Variants in DISC1 observed in about 807,000 individuals in gnomAD.
DISC1 encodes DISC1 scaffold protein, also known as disrupted in schizophrenia 1 protein.
In DISC1, 57 loss-of-function variants were observed where a neutral mutation model predicts 84.5. That is an observed-to-expected ratio of 0.67 (90% CI 0.55 to 0.84). The LOEUF (loss-of-function observed/expected upper bound fraction) is 0.84, where lower values mean the gene tolerates loss of function less well. DISC1 is among the 40% of genes least tolerant of loss of function. DISC1 has a pLI of 0.00. For synonymous variants in DISC1, 411 were observed against 415.2 expected, an observed-to-expected ratio of 0.99 and a Z score of 0.12; for missense variants, 1,000 against 1,057.8, an observed-to-expected ratio of 0.95 and a Z score of 0.76.
chr1:231,724,818 A>G (rs2070393649), intron 3 of DISC1, among the ~76,000 whole-genome samples: 1 of 152,118 alleles, frequency 6.6e-6, no homozygotes. Context: ...TGTCACTGTC[A>G]TTTGGTTAGG....
intron 9 of DISC1, among the ~76,000 whole-genome samples, chr1:231,863,117 C>T (rs12757857): frequency 0.5 from 75,583 of 151,170 alleles, 19,584 homozygotes; most frequent in Admixed American, 0.6. Context: ...AGTTTCAGCA[C>T]GTGCATAGTT....
intron 9 of DISC1, among the ~76,000 whole-genome samples, chr1:231,915,584 C>T (rs1454318600): frequency 6.6e-6 from 1 of 152,148 alleles, no homozygotes; most frequent in East Asian, 1.9e-4. Context: ...TGAGACCAGC[C>T]TGGCCAACAT....
At chr1:231,900,187 G>A (rs142802222) in intron 9 of DISC1, among the ~76,000 whole-genome samples, 910 of 152,154 alleles carry the variant, frequency 6.0e-3, no homozygotes, top group Middle Eastern at 0.017. Context: ...TCCTTGCCCC[G>A]CAACAGGAGA....
chr1:231,911,406 A>C (rs2089191851), intron 9 of DISC1, among the ~76,000 whole-genome samples: 1 of 152,148 alleles, frequency 6.6e-6, no homozygotes, highest in Admixed American at 6.5e-5. Context: ...GCTTGTCTAT[A>C]AAGAATTTTA....
In DISC1 at chr1:232,016,576, G is replaced by A. The variant is rs143708001; in HGVS notation, c.2307+7527G>A. Among the ~76,000 whole-genome samples, 190 of 152,310 alleles carry A rather than the reference G, an allele frequency of 1.2e-3. 1 individual carries two copies. The highest frequency in any genetic ancestry group is 4.5e-3 in the African/African-American group (186 of 41,576). On this transcript the variant is annotated intron_variant, in intron 11 of 12. Coordinates refer to ENST00000439617, the MANE Select transcript of DISC1 (RefSeq NM_018662.3). ...GCAGTTCACATCCTCTTGCATGATC[G>A]TGTAATATAAACTGTAGCTTTTCAA...
At position 231,693,949 on chromosome 1, in the gene DISC1, T is replaced by A. The variant is rs1283248433; in HGVS notation, c.191T>A (p.Leu64Gln). 2 of 1,614,170 alleles carry A rather than the reference T, an allele frequency of 1.2e-6. No individual in the cohort carries two copies. The highest frequency in any genetic ancestry group is 3.3e-5 in the Admixed American group (2 of 60,028). The change falls in exon 2 of 13, where the codon CTG becomes CAG. Residue 64 changes from leucine to glutamine, a missense_variant. This residue lies in a region of DISC1 where 292 missense variants were observed against 280.2 expected (regional missense o/e 1.04). Coordinates refer to ENST00000439617, the MANE Select transcript of DISC1 (RefSeq NM_018662.3). ...IGFLSPAVGT[L>Q]FRFPGGVSGE... ...TTCCTTTCCCCAGCAGTGGGCACACTGTTCCGGTTCCCAGGAGGGGTGTCT... is the reference window on the plus strand; with the variant it reads ...TTCCTTTCCCCAGCAGTGGGCACACAGTTCCGGTTCCCAGGAGGGGTGTCT...
rs771839898 is a variant in DISC1 at position 231,958,883 on chromosome 1, G to C, written c.2037G>C (p.Leu679=). 4.3e-6 allele frequency: 7 copies of C among 1,613,080 alleles called. No individual in the cohort carries two copies. Among genetic ancestry groups the C allele is most frequent in the Non-Finnish European group, 5.1e-6 (6 of 1,179,636 alleles). ...ACATGGAAACACTTAAGAATAAACT[G>C]TGCAGGTAAGGATAATAATTTCTGT... ...MKYMETLKNK[L]CSCKCPLLGK... The change falls in exon 10 of 13, where the codon CTG becomes CTC. Residue 679 remains leucine, a synonymous_variant. Coordinates refer to ENST00000439617, the MANE Select transcript of DISC1 (RefSeq NM_018662.3).
intron 6 of DISC1, among the ~76,000 whole-genome samples, chr1:231,786,717 A>T (rs750991874): frequency 5.3e-5 from 8 of 152,174 alleles, no homozygotes; most frequent in Non-Finnish European, 7.4e-5. Context: ...CACCTGTCCC[A>T]CACCATGGTA....
At chr1:231,827,416 T>C (rs1243882026) in intron 9 of DISC1, among the ~76,000 whole-genome samples, 1 of 152,258 alleles carries the variant, frequency 6.6e-6, no homozygotes, top group Non-Finnish European at 1.5e-5. Context: ...TGACTCATTA[T>C]ATGGTCACAG....
chr1:231,978,034 G>A (rs527496159), intron 10 of DISC1, among the ~76,000 whole-genome samples: 7 of 151,714 alleles, frequency 4.6e-5, no homozygotes, highest in African/African-American at 1.2e-4. Context: ...TTTGTCCTAC[G>A]GAATTTGGCA....
intron 7 of DISC1, among the ~76,000 whole-genome samples, chr1:231,795,875 C>T (rs922665275): frequency 1.3e-5 from 2 of 151,498 alleles, no homozygotes; most frequent in Non-Finnish European, 2.9e-5. Flanking sequence ...GGAGACAGAG[C>T]GAGACTCTAT....
chr1:231,634,921 CAA>C (rs5781662), intron 1 of DISC1, among the ~76,000 whole-genome samples: 72 of 148,282 alleles, frequency 4.9e-4, no homozygotes, highest in African/African-American at 1.6e-3. Flanking sequence ...GACCCTGTCT[CAA>C]AAAAAAAATG....
At chr1:231,829,383 GAGA>G (rs2082065118) in intron 9 of DISC1, among the ~76,000 whole-genome samples, 1 of 151,232 alleles carries the variant, frequency 6.6e-6, no homozygotes, top group Admixed American at 6.6e-5. Context: ...AGTTTTTTTT[GAGA>G]CAGGGTCTCA....
At chr1:231,753,581 G>A (rs2074835739) in intron 4 of DISC1, among the ~76,000 whole-genome samples, 1 of 152,220 alleles carries the variant, frequency 6.6e-6, no homozygotes, top group African/African-American at 2.4e-5. Context: ...TCTCTGAAAT[G>A]CCTCTGAGGC....
In DISC1 at chr1:231,924,469, G is replaced by T. The variant is rs78370583; in HGVS notation, c.1982-34359G>T. 1.7e-4 allele frequency among the ~76,000 whole-genome samples: 26 copies of T among 152,310 alleles called. No homozygotes were observed. The East Asian group carries it at 4.8e-3, about 28-fold the overall frequency. Reference sequence around the variant, plus strand: ...CTTTGTGCGATGTTCAGCAGAGTGTGTTGGGGGTGGGTGTGAATGTATCTG... The same window carrying T: ...CTTTGTGCGATGTTCAGCAGAGTGTTTTGGGGGTGGGTGTGAATGTATCTG... On this transcript the variant is annotated intron_variant, in intron 9 of 12. Coordinates refer to ENST00000439617, the MANE Select transcript of DISC1 (RefSeq NM_018662.3).
chr1:231,871,887 T>G (rs913079068), intron 9 of DISC1, among the ~76,000 whole-genome samples: 1 of 152,232 alleles, frequency 6.6e-6, no homozygotes, highest in African/African-American at 2.4e-5. Context: ...CTTTCTGGTC[T>G]GTGTCTCACC....
chr1:232,003,326 A>G (rs1666949473), intron 10 of DISC1, among the ~76,000 whole-genome samples: 1 of 152,186 alleles, frequency 6.6e-6, no homozygotes, highest in Non-Finnish European at 1.5e-5. Context: ...TGTTGGAATA[A>G]CAATTTTAGT....
chr1:231,675,046 T>C lies in DISC1; in HGVS notation c.68-18780T>C, dbSNP rs1300618188. ...AGCATAATCTCTGAATTGGTGGATT[T>C]AAAACAAAGTTGATGAGAGACTTCC... On this transcript the variant is annotated intron_variant, in intron 1 of 12. Coordinates refer to ENST00000439617, the MANE Select transcript of DISC1 (RefSeq NM_018662.3). This position sits in a 1 kb window ranked among gnomAD's most constrained non-coding sequence, Gnocchi z 4.1. 6.6e-6 allele frequency among the ~76,000 whole-genome samples: 1 copy of C among 152,176 alleles called. No individual in the cohort carries two copies. Among genetic ancestry groups the C allele is most frequent in the African/African-American group, 2.4e-5 (1 of 41,440 alleles).
chr1:231,723,472 T>G (rs1038191563), intron 3 of DISC1: 4 of 985,402 alleles, frequency 4.1e-6, no homozygotes, highest in Non-Finnish European at 4.8e-6. Flanking sequence ...TTATTTCTGG[T>G]CTGGTTTAAG....
Sources: allele counts gnomAD v4.1 joint callset (sites outside exome capture counted in the v4.1 genomes callset), GRCh38; gene constraint gnomAD v4.1.1; regional missense constraint gnomAD v4.1.1; non-coding constraint Gnocchi (gnomAD v3.1); transcripts MANE v1.5; gene names NCBI Gene and HGNC (gene_info 2026-07-23, HGNC 2026-07-21).